CHCHD6: variants seen among roughly 807,000 people sequenced by gnomAD.
CHCHD6 encodes the protein coiled-coil-helix-coiled-coil-helix domain containing 6, also known as MICOS complex subunit MIC25.
CHCHD6 carries 28 observed loss-of-function variants against 32.3 expected under a neutral mutation model. The observed-to-expected ratio is 0.87, with a 90% CI of 0.64 to 1.19. CHCHD6 has a LOEUF of 1.19. CHCHD6 is among the 50% of genes most tolerant of loss of function. CHCHD6 has a pLI of 0.00. For synonymous variants in CHCHD6, 122 were observed against 117.5 expected, an observed-to-expected ratio of 1.04 and a Z score of -0.25; for missense variants, 333 against 307.0, an observed-to-expected ratio of 1.08 and a Z score of -0.63.
intron 5 of CHCHD6, among the ~76,000 whole-genome samples, chr3:126,858,678 A>T (rs1384939860): frequency 6.6e-6 from 1 of 152,208 alleles, no homozygotes; most frequent in African/African-American, 2.4e-5. Flanking sequence ...ATGGAGAGAC[A>T]CAGCCAGAAT....
At chr3:126,786,318 T>C (rs1251055108) in intron 4 of CHCHD6, among the ~76,000 whole-genome samples, 1 of 152,226 alleles carries the variant, frequency 6.6e-6, no homozygotes, top group African/African-American at 2.4e-5. Context: ...AGCAGCATGA[T>C]TTATAGTCCT....
Position 126,804,321 on chromosome 3 carries a change from C to T in CHCHD6, c.412-48326C>T, listed in dbSNP as rs532834973. 6.1e-3 allele frequency among the ~76,000 whole-genome samples: 929 copies of T among 151,702 alleles called. 9 individuals are homozygous for T. Among genetic ancestry groups the T allele is most frequent in the African/African-American group, 0.021 (888 of 41,376 alleles). ...CAAAATTGATAGACCGCTAGCAAGA[C>T]TAATAAAGAAAAAAAGAGAGAAGAA... On this transcript the variant is annotated intron_variant, in intron 4 of 7. Coordinates refer to ENST00000290913, the MANE Select transcript of CHCHD6 (RefSeq NM_032343.3).
intron 4 of CHCHD6, among the ~76,000 whole-genome samples, chr3:126,753,173 G>A (rs1335565162): frequency 6.6e-6 from 1 of 152,106 alleles, no homozygotes; most frequent in Non-Finnish European, 1.5e-5. Flanking sequence ...CACGATTTTG[G>A]CAGCCAAGGG....
At chr3:126,873,656 C>T (rs992590820) in intron 5 of CHCHD6, among the ~76,000 whole-genome samples, 5 of 152,204 alleles carry the variant, frequency 3.3e-5, no homozygotes, top group African/African-American at 1.2e-4. Context: ...TAGGCATCAC[C>T]ACTGAGCAGG....
intron 1 of CHCHD6, among the ~76,000 whole-genome samples, chr3:126,715,181 T>C (rs993151661): frequency 2.0e-5 from 3 of 152,152 alleles, no homozygotes; most frequent in Non-Finnish European, 4.4e-5. Context: ...AAAGGGTTAC[T>C]TGTCACCTCA....
chr3:126,786,960 CT>C lies in CHCHD6; in HGVS notation c.411+53739del, dbSNP rs370538793. ...TTCTAGGGTTTTTATGGTTTTAGGT[CT>C]AACATTTAAGTCTTTAATCCATCTT... On this transcript the variant is annotated intron_variant, in intron 4 of 7. Coordinates refer to ENST00000290913, the MANE Select transcript of CHCHD6 (RefSeq NM_032343.3). 2.8e-4 allele frequency among the ~76,000 whole-genome samples: 42 copies of C among 152,244 alleles called. No individual in the cohort carries two copies. The East Asian group carries it at 6.8e-3, about 24-fold the overall frequency.
chr3:126,834,245 C>T (rs1285918249), intron 4 of CHCHD6, among the ~76,000 whole-genome samples: 2 of 151,864 alleles, frequency 1.3e-5, no homozygotes, highest in African/African-American at 4.8e-5. Context: ...TTCATGAAGC[C>T]CCTGTATCTG....
At chr3:126,717,297 A>T (rs1427141847) in intron 1 of CHCHD6, among the ~76,000 whole-genome samples, 1 of 151,784 alleles carries the variant, frequency 6.6e-6, no homozygotes, top group Non-Finnish European at 1.5e-5. Context: ...TACAATCACA[A>T]CTCTCATCCT....
At position 126,951,851 on chromosome 3, in the gene CHCHD6, G is replaced by A. The variant is rs77341142; in HGVS notation, c.567-5565G>A. ...TAGCCTGAGGTCCATGGGAGACCTA[G>A]CAGGCCGTCAGGTCTGGGTACAGTC... On this transcript the variant is annotated intron_variant, in intron 6 of 7. Coordinates refer to ENST00000290913, the MANE Select transcript of CHCHD6 (RefSeq NM_032343.3). Among the ~76,000 whole-genome samples the A allele has an allele frequency of 2.4e-3, 363 of 152,344 alleles. 2 individuals are homozygous for A. The highest frequency in any genetic ancestry group is 3.2e-3 in the Non-Finnish European group (215 of 68,022).
chr3:126,884,084 A>G (rs946388194), intron 5 of CHCHD6, among the ~76,000 whole-genome samples: 1 of 152,220 alleles, frequency 6.6e-6, no homozygotes, highest in African/African-American at 2.4e-5. Context: ...CAAGTTTTCA[A>G]AAGAATTCTT....
At position 126,730,564 on chromosome 3, in the gene CHCHD6, C is replaced by T; in HGVS notation, c.200C>T (p.Ser67Phe). The change falls in exon 3 of 8, where the codon TCC (serine) becomes TTC (phenylalanine). Residue 67 changes from serine (S) to phenylalanine (F), a missense_variant. Transcript: ENST00000290913. ...DGNLRAPHKE[S>F]TLPRSGSSGG... ...CTTTCTTCTCTTTCCTTTGCAGAAT[C>T]CACACTGCCCAGGTCGGGGAGCAGT... is the stretch of plus-strand genomic sequence containing the variant. The T allele has an allele frequency of 3.1e-6, 5 of 1,613,528 alleles. No individual in the cohort carries two copies. The highest frequency in any genetic ancestry group is 4.2e-6 in the Non-Finnish European group (5 of 1,179,702).
chr3:126,939,405 C>T (rs539567737), intron 6 of CHCHD6, among the ~76,000 whole-genome samples: 7 of 152,338 alleles, frequency 4.6e-5, no homozygotes, highest in African/African-American at 1.7e-4. Context: ...TATTTTTAAA[C>T]CCAAGTGCAG....
intron 4 of CHCHD6, among the ~76,000 whole-genome samples, chr3:126,810,266 GTT>G: frequency 6.6e-6 from 1 of 152,318 alleles, no homozygotes; most frequent in East Asian, 1.9e-4. Context: ...CCATACACAT[GTT>G]TTGGTTAAAC....
At chr3:126,736,654 T>A (rs1051438814) in intron 4 of CHCHD6, among the ~76,000 whole-genome samples, 1 of 152,204 alleles carries the variant, frequency 6.6e-6, no homozygotes, top group Non-Finnish European at 1.5e-5. Flanking sequence ...GACAGAAGTG[T>A]TGCCCTTTCC....
chr3:126,788,811 C>T (rs529573641), intron 4 of CHCHD6, among the ~76,000 whole-genome samples: 3 of 152,108 alleles, frequency 2.0e-5, no homozygotes, highest in Admixed American at 6.5e-5. Context: ...TTTTTTGTGT[C>T]TCTATCTCCT....
chr3:126,865,132 C>CCA, intron 5 of CHCHD6, among the ~76,000 whole-genome samples: 1 of 119,620 alleles, frequency 8.4e-6, no homozygotes, highest in Admixed American at 8.9e-5. Flanking sequence ...TCCTCCTCCT[C>CCA]CTCCACCACC....
intron 5 of CHCHD6, among the ~76,000 whole-genome samples, chr3:126,883,154 A>G (rs956627480): frequency 1.1e-4 from 17 of 152,214 alleles, no homozygotes; most frequent in African/African-American, 4.1e-4. Context: ...CAAGGAGGAC[A>G]TGGAAGCTCC....
At chr3:126,932,949 A>G (rs1438263387) in intron 6 of CHCHD6, among the ~76,000 whole-genome samples, 1 of 152,088 alleles carries the variant, frequency 6.6e-6, no homozygotes. Flanking sequence ...ACTGCTTCTG[A>G]AAGGAGCATG....
At chr3:126,909,945 G>A (rs1236207206) in intron 5 of CHCHD6, among the ~76,000 whole-genome samples, 1 of 152,158 alleles carries the variant, frequency 6.6e-6, no homozygotes, top group Non-Finnish European at 1.5e-5. Flanking sequence ...GGGAGAGCTG[G>A]ATGCCATCAT....
Sources: allele counts gnomAD v4.1 joint callset (sites outside exome capture counted in the v4.1 genomes callset), GRCh38; gene constraint gnomAD v4.1.1; transcripts MANE v1.5; gene names NCBI Gene and HGNC (gene_info 2026-07-23, HGNC 2026-07-21).